The following SI variants were observed in gnomAD, a reference collection of about 807,000 sequenced individuals.
SI encodes sucrase-isomaltase.
A neutral mutation model predicts 253.3 loss-of-function variants in SI; 235 were observed. The ratio of observed to expected loss-of-function variants is 0.93; its 90% CI spans 0.83 to 1.03. The LOEUF is 1.03. Ranked by LOEUF, SI falls within the 50% of genes least tolerant of loss-of-function variation. SI has a pLI of 0.00. For synonymous variants in SI, 819 were observed against 712.0 expected (o/e 1.15, Z -2.39); for missense variants, 2,442 against 2,211.1 (o/e 1.10, Z -2.09).
intron 9 of SI, among the ~76,000 whole-genome samples, chr3:165,061,612 A>G (rs879187052): frequency 6.6e-6 from 1 of 152,144 alleles, no homozygotes; most frequent in Admixed American, 6.6e-5. Flanking sequence ...TCAAGAAAAT[A>G]ATATTTTTAA....
chr3:165,017,934 A>T (rs1305109011), intron 29 of SI, 36 bp downstream of exon 29: 1 of 1,585,582 alleles, frequency 6.3e-7, no homozygotes, highest in Non-Finnish European at 8.7e-7. Context: ...AAAAAGTCAC[A>T]TAAAATAAGA....
intron 41 of SI, among the ~76,000 whole-genome samples, chr3:164,992,970 C>A (rs1443667144): frequency 6.6e-6 from 1 of 151,276 alleles, no homozygotes; most frequent in Admixed American, 6.6e-5. Flanking sequence ...GCTTAAGAGC[C>A]ACTATTAAAT....
intron 13 of SI, among the ~76,000 whole-genome samples, chr3:165,052,166 T>A (rs1463687852): frequency 6.6e-6 from 1 of 152,150 alleles, no homozygotes; most frequent in Non-Finnish European, 1.5e-5. Context: ...TATTGTAGTG[T>A]TTTTAAGTGG....
intron 25 of SI, among the ~76,000 whole-genome samples, chr3:165,025,581 A>G (rs1302503479): frequency 1.3e-5 from 2 of 151,206 alleles, no homozygotes; most frequent in Non-Finnish European, 3.0e-5. Context: ...GAAGGAAAAA[A>G]TCTTAAGAGC....
chr3:165,057,786 C>T (rs1458662714), intron 12 of SI, among the ~76,000 whole-genome samples: 1 of 151,746 alleles, frequency 6.6e-6, no homozygotes, highest in Non-Finnish European at 1.5e-5. Flanking sequence ...TAGCCTTTCT[C>T]AAGCAAAAGC....
At chr3:165,047,506 A>C (rs979855175) in intron 15 of SI, among the ~76,000 whole-genome samples, 2 of 152,034 alleles carry the variant, frequency 1.3e-5, no homozygotes, top group Non-Finnish European at 1.5e-5. Flanking sequence ...TTATGTCAAA[A>C]TTTTATATCA....
chr3:164,994,514 G>C, intron 40 of SI, 109 bp from the exon 41 acceptor site: 1 of 1,138,840 alleles, frequency 8.8e-7, no homozygotes, highest in Non-Finnish European at 1.3e-6. Context: ...TTAATTGATT[G>C]TCATGTGCTA....
In SI at chr3:165,019,713, A is replaced by G. The variant is rs761448459; in HGVS notation, c.3312T>C (p.Thr1104=). ...CATATATATATTCTGATGGCAGGCG[A>G]GTCGATATTTGAATGAACTGGTCAT... The part of the protein sequence containing the change: ...AFNDQFIQIS[T]RLPSEYIYGF... The change falls in exon 28 of 48, where the codon ACT becomes ACC. Residue 1104 remains threonine, a synonymous_variant. Coordinates refer to ENST00000264382, the MANE Select transcript of SI (RefSeq NM_001041.4). The G allele has an allele frequency of 1.2e-6, 2 of 1,612,628 alleles. No homozygotes were observed. The highest frequency in any genetic ancestry group is 1.7e-5 in the Admixed American group (1 of 59,794).
At chr3:165,061,713 G>C (rs1375260305) in intron 9 of SI, among the ~76,000 whole-genome samples, 4 of 151,982 alleles carry the variant, frequency 2.6e-5, no homozygotes, top group Non-Finnish European at 5.9e-5. Flanking sequence ...AGTGAAAAGA[G>C]AGAAATTACA....
intron 1 of SI, among the ~76,000 whole-genome samples, chr3:165,077,330 A>G (rs1442643363): frequency 2.6e-5 from 4 of 151,636 alleles, no homozygotes; most frequent in African/African-American, 7.2e-5. Context: ...GCCTTTCTTC[A>G]TTTACCATAG....
intron 37 of SI, among the ~76,000 whole-genome samples, chr3:165,001,655 A>C (rs1718260700): frequency 6.6e-6 from 1 of 151,496 alleles, no homozygotes; most frequent in African/African-American, 2.4e-5. Flanking sequence ...TATATCATTC[A>C]GAATCTAATG....
intron 9 of SI, among the ~76,000 whole-genome samples, chr3:165,060,272 A>G (rs1713920951): frequency 6.6e-6 from 1 of 151,980 alleles, no homozygotes; most frequent in Admixed American, 6.6e-5. Context: ...AAAATTAGAA[A>G]GTGTAGCATA....
chr3:165,015,315 C>A, intron 32 of SI, 82 bp from the exon 33 acceptor site: 1 of 847,638 alleles, frequency 1.2e-6, no homozygotes, highest in Non-Finnish European at 2.0e-6. Context: ...CATAAGTTTT[C>A]ATTACTACAT....
intron 45 of SI, among the ~76,000 whole-genome samples, chr3:164,985,528 C>T (rs1388942969): frequency 2.6e-5 from 4 of 152,120 alleles, no homozygotes; most frequent in Admixed American, 6.6e-5. Flanking sequence ...CTTTATTACA[C>T]TTATTTACTA....
chr3:165,087,140 A>C, the SI span, among the ~76,000 whole-genome samples: 3 of 98,734 alleles, frequency 3.0e-5, no homozygotes, highest in Non-Finnish European at 6.9e-5. Flanking sequence ...CAAATACACA[A>C]AACAAAACAA....
At chr3:165,002,754 T>C (rs1293596886) in intron 37 of SI, among the ~76,000 whole-genome samples, 2 of 151,784 alleles carry the variant, frequency 1.3e-5, no homozygotes, top group African/African-American at 2.4e-5. Flanking sequence ...AGTTCAGCAG[T>C]TTTTTGTAAC....
rs138397431 is a variant in SI, at chr3:165,019,712, G to A, written c.3313C>T (p.Arg1105Cys). 1.2e-5 allele frequency: 20 copies of A among 1,612,382 alleles called. No homozygotes were observed. The highest frequency in any genetic ancestry group is 4.0e-5 in the African/African-American group (3 of 74,798). Residue 1105 changes from arginine (R) to cysteine (C), a missense_variant, in exon 28 of 48, where the codon CGC (arginine) becomes TGC (cysteine). Physicochemically the swap from Arg to Cys is radical, Grantham distance 180 (BLOSUM62 -3). Transcript: ENST00000264382. ...CCATATATATATTCTGATGGCAGGC[G>A]AGTCGATATTTGAATGAACTGGTCA... ...FNDQFIQIST[R>C]LPSEYIYGFG...
At position 165,060,047 on chromosome 3, in the gene SI, T is replaced by C. The variant is rs1713912251; in HGVS notation, c.1021-20A>G. ...AACAAGCTTAAAGTAAATGAGCATG[T>C]AATTAGTTTGAATAGAAATAAATAT... is the stretch of plus-strand genomic sequence containing the variant. On this transcript the variant is annotated intron_variant, in intron 9 of 47. Coordinates refer to ENST00000264382, the MANE Select transcript of SI (RefSeq NM_001041.4). 6.2e-7 allele frequency: 1 copy of C among 1,605,244 alleles called. No homozygotes were observed. Among genetic ancestry groups the C allele is most frequent in the Non-Finnish European group, 8.5e-7 (1 of 1,173,496 alleles).
chr3:165,040,311 A>T (rs1490257336), intron 18 of SI, among the ~76,000 whole-genome samples: 1 of 97,682 alleles, frequency 1.0e-5, no homozygotes, highest in Non-Finnish European at 2.3e-5. Flanking sequence ...AGAAGGAAGG[A>T]AGAAAAGAGA....
Sources: gnomAD v4.1 joint callset for allele counts (sites outside exome capture counted in the v4.1 genomes callset) on GRCh38, gnomAD v4.1.1 for gene constraint, MANE v1.5 for transcripts, NCBI Gene and HGNC (gene_info 2026-07-23, HGNC 2026-07-21) for gene names.